The following MIER2 variants were observed in gnomAD, a reference collection of about 807,000 sequenced individuals.
MIER2 encodes mesoderm induction early response protein 2.
MIER2 carries 30 observed loss-of-function variants against 67.6 expected under a neutral mutation model. That is an observed-to-expected ratio of 0.44 (90% CI 0.33 to 0.60). The LOEUF (loss-of-function observed/expected upper bound fraction) is 0.60, where lower values mean the gene tolerates loss of function less well. Ranked by LOEUF, MIER2 falls within the 20% of genes least tolerant of loss-of-function variation. MIER2 has a pLI of 0.02. For missense variants in MIER2, 702 were observed against 745.1 expected, an observed-to-expected ratio of 0.94 and a Z score of 0.67; for synonymous variants, 372 against 312.6, an observed-to-expected ratio of 1.19 and a Z score of -2.00.
At chr19:319,166 A>G (rs1336348154) in intron 7 of MIER2, among the ~76,000 whole-genome samples, 1 of 151,786 alleles carries the variant, frequency 6.6e-6, no homozygotes, top group Non-Finnish European at 1.5e-5. Flanking sequence ...GTTTGAGACC[A>G]GCCTGGCCAA....
At position 313,474 on chromosome 19, in the gene MIER2, C is replaced by A; in HGVS notation, c.807+18G>T. On this transcript the variant is annotated intron_variant, in intron 8 of 13. Transcript: ENST00000264819. ...CGGCAGCCCTCAGCCCCTCTGTCCC[C>A]GGCATGGCAGCCCCCACCTGCTCAC... 1 of 1,606,826 alleles carries A rather than the reference C, an allele frequency of 6.2e-7. No individual in the cohort carries two copies. The highest frequency in any genetic ancestry group is 1.7e-5 in the Admixed American group (1 of 59,890).
intron 2 of MIER2, among the ~76,000 whole-genome samples, chr19:335,340 G>A (rs753086612): frequency 6.6e-6 from 1 of 152,224 alleles, no homozygotes; most frequent in African/African-American, 2.4e-5. Flanking sequence ...CCCATGCACA[G>A]AACATGCAGC....
intron 7 of MIER2, among the ~76,000 whole-genome samples, chr19:323,558 A>G (rs963318282): frequency 6.0e-5 from 9 of 149,786 alleles, no homozygotes; most frequent in Non-Finnish European, 1.2e-4. Flanking sequence ...ACACACAACC[A>G]TGCAGATGAC....
At chr19:317,421 G>GGA (rs1971290521) in intron 7 of MIER2, among the ~76,000 whole-genome samples, 3 of 142,200 alleles carry the variant, frequency 2.1e-5, no homozygotes, top group Admixed American at 2.1e-4. Context: ...CAGCTACTCA[G>GGA]GAGGCTGAAG....
At position 305,857 on chromosome 19, in the gene MIER2, G is replaced by A. The variant is rs1262298219; in HGVS notation, c.*833C>T. 6.6e-6 allele frequency: 1 copy of A among 152,500 alleles called. No individual in the cohort carries two copies. The highest frequency in any genetic ancestry group is 1.5e-5 in the Non-Finnish European group (1 of 68,090). The allele number at this position is 152,500 out of a possible 1,614,324, so 9.4% of individuals were successfully genotyped here. A position where few individuals can be genotyped will look rare whatever the true frequency, so the allele number is the denominator to read the frequency against. ...GAAGCTTCCCACAGAAGGAAGACCTGCAGGGCTGGGGAAACAGGCTGGAGT... is the reference window on the plus strand; with the variant it reads ...GAAGCTTCCCACAGAAGGAAGACCTACAGGGCTGGGGAAACAGGCTGGAGT... On this transcript the variant is annotated 3_prime_UTR_variant, in exon 14 of 14. Coordinates refer to ENST00000264819, the MANE Select transcript of MIER2 (RefSeq NM_017550.3).
intron 3 of MIER2, among the ~76,000 whole-genome samples, chr19:330,908 C>T (rs1971994281): frequency 6.6e-6 from 1 of 152,212 alleles, no homozygotes. Context: ...CTCTACAAAA[C>T]TATCACTTGA....
Position 311,993 on chromosome 19 carries a change from G to A in MIER2, c.890-54C>T, listed in dbSNP as rs181683729. ...GTGGTGCCCAGGGCGGGGCCGCAGC[G>A]GAAGGAAGGCCCAGGCCGGGGAGAA... On this transcript the variant is annotated intron_variant, in intron 9 of 13. Transcript: ENST00000264819. The A allele has an allele frequency of 5.5e-4, 760 of 1,378,490 alleles. 2 individuals are homozygous for A. In the African/African-American group the frequency reaches 7.4e-3, roughly 13 times the overall value. 85.4% of individuals were successfully genotyped at this position (1,378,490 alleles called of 1,614,324 possible).
chr19:319,371 CAA>C (rs1317839815), intron 7 of MIER2, among the ~76,000 whole-genome samples: 5 of 152,040 alleles, frequency 3.3e-5, no homozygotes, highest in Non-Finnish European at 5.9e-5. Context: ...CACACACACA[CAA>C]AAAGTAAAAA....
intron 10 of MIER2, among the ~76,000 whole-genome samples, chr19:309,411 C>T (rs1295413469): frequency 6.6e-6 from 1 of 152,180 alleles, no homozygotes; most frequent in East Asian, 1.9e-4. Flanking sequence ...GCGGCGCCTG[C>T]TTTCCCACCG....
chr19:311,737 G>T, intron 10 of MIER2, 108 bp downstream of exon 10: 1 of 1,042,864 alleles, frequency 9.6e-7, no homozygotes, highest in Non-Finnish European at 1.4e-6. Flanking sequence ...GCGGACACAG[G>T]ACACGGGGCT....
At chr19:327,808 C>G (rs926388553) in intron 4 of MIER2, 56 bp downstream of exon 4, 1 of 1,598,658 alleles carries the variant, frequency 6.3e-7, no homozygotes, top group Non-Finnish European at 8.5e-7. Context: ...AGAGAGGCAG[C>G]GCCAGGCCCC....
chr19:340,254 C>T (rs1043027832), intron 1 of MIER2, among the ~76,000 whole-genome samples: 1 of 152,162 alleles, frequency 6.6e-6, no homozygotes, highest in Non-Finnish European at 1.5e-5. Context: ...TACTGGGGAA[C>T]ACAACGGCTA....
chr19:313,756 C>T (rs1401329532), intron 7 of MIER2, 113 bp from the exon 8 acceptor site: 4 of 1,422,788 alleles, frequency 2.8e-6, no homozygotes, highest in African/African-American at 1.4e-5. Context: ...CACTGTCCGT[C>T]CTCCCTTTCC....
intron 13 of MIER2, 26 bp from the exon 14 acceptor site, chr19:306,737 GCA>G: frequency 6.4e-7 from 1 of 1,557,216 alleles, no homozygotes; most frequent in Non-Finnish European, 8.7e-7. Flanking sequence ...CAAGAGAGAC[GCA>G]GAGAGTGTCA....
intron 1 of MIER2, chr19:343,873 A>T: frequency 1.0e-6 from 1 of 985,320 alleles, no homozygotes; most frequent in Non-Finnish European, 1.2e-6. Flanking sequence ...AGGCTCATCC[A>T]CCACTCCAAA....
At chr19:341,571 C>T (rs1233545761) in intron 1 of MIER2, among the ~76,000 whole-genome samples, 1 of 152,090 alleles carries the variant, frequency 6.6e-6, no homozygotes. Context: ...CTTCTTCCTC[C>T]CGCTGCCCCT....
chr19:310,529 G>A (rs995974350), intron 10 of MIER2, among the ~76,000 whole-genome samples: 1 of 64,290 alleles, frequency 1.6e-5, no homozygotes, highest in Admixed American at 1.6e-4. Flanking sequence ...CTGAGCTATA[G>A]AAACACGGCC....
intron 7 of MIER2, among the ~76,000 whole-genome samples, chr19:323,888 C>G (rs562762116): frequency 1.3e-5 from 2 of 151,652 alleles, no homozygotes; most frequent in South Asian, 4.2e-4. Flanking sequence ...ACACAAGACA[C>G]ACACAACCAC....
intron 1 of MIER2, 183 bp downstream of exon 1, chr19:344,586 CGGCCG>C (rs1409647084): frequency 4.1e-6 from 1 of 244,414 alleles, no homozygotes; most frequent in Non-Finnish European, 6.4e-6. Context: ...GGGTGGGGGC[CGGCCG>C]GGGGCGGCCG....
Sources: gnomAD v4.1 joint callset for allele counts (sites outside exome capture counted in the v4.1 genomes callset) on GRCh38, gnomAD v4.1.1 for gene constraint, MANE v1.5 for transcripts, NCBI Gene and HGNC (gene_info 2026-07-23, HGNC 2026-07-21) for gene names.